TSPEAR: variants seen among roughly 807,000 people sequenced by gnomAD.
The protein encoded by TSPEAR is thrombospondin-type laminin G domain and EAR repeat-containing protein.
In TSPEAR, 69 loss-of-function variants were observed where a neutral mutation model predicts 71.6. The observed-to-expected ratio is 0.96, with a 90% confidence interval of 0.79 to 1.18. The LOEUF (loss-of-function observed/expected upper bound fraction) is 1.18. Among genes scored for constraint, TSPEAR ranks in the 50% most tolerant of loss-of-function variants. The probability of loss-of-function intolerance (pLI) is 0.00; values close to 1 mark genes in which losing one functional copy is unlikely to be tolerated. For missense variants in TSPEAR, 971 were observed against 894.9 expected (o/e 1.09, Z -1.09); for synonymous variants, 402 against 387.2 (o/e 1.04, Z -0.45).
chr21:44,558,391 A>AGAC (rs782052629), intron 2 of TSPEAR: 2 of 1,613,106 alleles, frequency 1.2e-6, no homozygotes. Context: ...GGCACACAGC[A>AGAC]GACTGGCTTG....
chr21:44,639,761 G>A (rs1983917378), intron 1 of TSPEAR, among the ~76,000 whole-genome samples: 1 of 152,108 alleles, frequency 6.6e-6, no homozygotes, highest in East Asian at 1.9e-4. Context: ...AGAGAGCCAG[G>A]AGGAGGGCCC....
At chr21:44,591,783 G>A (rs112627096) in intron 1 of TSPEAR, 52 of 1,585,984 alleles carry the variant, frequency 3.3e-5, no homozygotes, top group Non-Finnish European at 3.9e-5. Flanking sequence ...ACACAGGCAC[G>A]CAGCAGACGG....
chr21:44,627,891 G>A (rs1258508537), intron 1 of TSPEAR: 16 of 1,611,286 alleles, frequency 9.9e-6, no homozygotes, highest in Non-Finnish European at 1.1e-5. Context: ...CTGTGTGCAG[G>A]CCCGCCTGCT....
intron 8 of TSPEAR, among the ~76,000 whole-genome samples, chr21:44,525,258 GTAGT>G (rs587742761): frequency 1.2e-3 from 176 of 152,270 alleles, no homozygotes; most frequent in African/African-American, 3.4e-3. Context: ...AATTAGTCAA[GTAGT>G]TAGTCAAGAA....
intron 1 of TSPEAR, among the ~76,000 whole-genome samples, chr21:44,648,571 G>T (rs1555940739): frequency 1.3e-5 from 2 of 152,298 alleles, no homozygotes; most frequent in East Asian, 1.9e-4. Context: ...AAAAGAGGGG[G>T]AGATGTTTCC....
At chr21:44,621,836 G>A (rs926259041) in intron 1 of TSPEAR, among the ~76,000 whole-genome samples, 2 of 150,420 alleles carry the variant, frequency 1.3e-5, no homozygotes, top group Non-Finnish European at 3.0e-5. Flanking sequence ...GTGTGGATTC[G>A]GTGTCTTGAC....
intron 1 of TSPEAR, among the ~76,000 whole-genome samples, chr21:44,689,735 A>T (rs1239103121): frequency 8.1e-5 from 10 of 124,172 alleles, no homozygotes; most frequent in African/African-American, 3.3e-4. Context: ...ATATATATAT[A>T]TATATTTTGG....
At chr21:44,697,889 T>C (rs782666624) in intron 1 of TSPEAR, 139 of 1,603,008 alleles carry the variant, frequency 8.7e-5, no homozygotes, top group Non-Finnish European at 1.1e-4. Flanking sequence ...CCGCCTGGCC[T>C]CCTGCGGGTC....
chr21:44,692,146 T>C (rs1158283253), intron 1 of TSPEAR, among the ~76,000 whole-genome samples: 2 of 152,070 alleles, frequency 1.3e-5, no homozygotes, highest in African/African-American at 4.8e-5. Context: ...TTTGACAAAG[T>C]CCAACACCAT....
Position 44,617,735 on chromosome 21 carries a change from C to T in TSPEAR, c.83-49730G>A, listed in dbSNP as rs782734283. Among the ~76,000 whole-genome samples, 10 of 152,346 alleles carry T rather than the reference C, an allele frequency of 6.6e-5. No individual in the cohort carries two copies. In the East Asian group the frequency reaches 9.6e-4, roughly 15 times the overall value. ...TCTTATGGTTTTCTTCAGCAAGCTG[C>T]GCAGTGTTCCAAAGCGTGAACACGC... On this transcript the variant is annotated intron_variant, in intron 1 of 11. Transcript: ENST00000323084.
At position 44,642,759 on chromosome 21, in the gene TSPEAR, G is replaced by A. The variant is rs587674012; in HGVS notation, c.82+68674C>T. Among the ~76,000 whole-genome samples the A allele has an allele frequency of 5.9e-5, 9 of 152,106 alleles. No homozygotes were observed. The highest frequency in any genetic ancestry group is 2.1e-4 in the South Asian group (1 of 4,812). The stretch of plus-strand genomic sequence containing the variant: ...TGGGAGGCTGAGGCAGGAGAATGGC[G>A]TGAACCTGGGAGGCAGAGCTTGCAG... On this transcript the variant is annotated intron_variant, in intron 1 of 11. Transcript: ENST00000323084. This position sits in a 1 kb window ranked among gnomAD's most constrained non-coding sequence, Gnocchi z 4.1.
chr21:44,675,907 GC>G, intron 1 of TSPEAR: 1 of 758,240 alleles, frequency 1.3e-6, no homozygotes, highest in Non-Finnish European at 2.4e-6. Flanking sequence ...TGCCTACGGC[GC>G]TGGCATATGC....
At chr21:44,608,790 TA>T (rs1981473295) in intron 1 of TSPEAR, among the ~76,000 whole-genome samples, 1 of 152,258 alleles carries the variant, frequency 6.6e-6, no homozygotes, top group Non-Finnish European at 1.5e-5. Context: ...AGTGAGGATG[TA>T]AATTTCTTTA....
chr21:44,685,781 A>G (rs1314870538), intron 1 of TSPEAR, among the ~76,000 whole-genome samples: 7 of 152,190 alleles, frequency 4.6e-5, no homozygotes, highest in Non-Finnish European at 7.3e-5. Context: ...CCCAGAGTGA[A>G]ACTAAGCAGT....
chr21:44,522,356 T>G (rs889982625), intron 8 of TSPEAR, among the ~76,000 whole-genome samples: 8 of 152,178 alleles, frequency 5.3e-5, no homozygotes, highest in African/African-American at 1.9e-4. Flanking sequence ...CCCACCGCCC[T>G]TGGGACAGGT....
chr21:44,568,653 C>T (rs138833721), intron 1 of TSPEAR, among the ~76,000 whole-genome samples: 7 of 152,068 alleles, frequency 4.6e-5, no homozygotes, highest in Non-Finnish European at 7.4e-5. Context: ...GGAGGGCATT[C>T]GGGGCTAGCA....
At chr21:44,677,814 C>T in intron 1 of TSPEAR, 2 of 1,285,896 alleles carry the variant, frequency 1.6e-6, no homozygotes, top group Non-Finnish European at 2.3e-6. Flanking sequence ...AGGTGCAGAA[C>T]CAAGAACCAC....
At chr21:44,650,479 G>A (rs1461444098) in intron 1 of TSPEAR, among the ~76,000 whole-genome samples, 8 of 152,258 alleles carry the variant, frequency 5.3e-5, no homozygotes, top group Non-Finnish European at 1.2e-4. Context: ...ACGTGATGAC[G>A]GAGGCAGAGA....
chr21:44,539,445 AGAG>A (rs1569173645), intron 2 of TSPEAR: 1 of 1,613,076 alleles, frequency 6.2e-7, no homozygotes, highest in East Asian at 2.2e-5. Flanking sequence ...ACAGGGCGGC[AGAG>A]GAGGGACACG....
Sources: gnomAD v4.1 joint callset for allele counts (sites outside exome capture counted in the v4.1 genomes callset) on GRCh38, gnomAD v4.1.1 for gene constraint, Gnocchi (gnomAD v3.1) non-coding constraint, MANE v1.5 for transcripts, NCBI Gene and HGNC (gene_info 2026-07-23, HGNC 2026-07-21) for gene names.